The following PTCHD4 variants were observed in gnomAD, a reference collection of about 807,000 sequenced individuals.
The protein encoded by PTCHD4 is patched domain containing 4.
A neutral mutation model predicts 58.1 loss-of-function variants in PTCHD4; 33 were observed. That is an observed-to-expected ratio of 0.57 (90% CI 0.43 to 0.76). PTCHD4 has a LOEUF of 0.76. Among genes scored for constraint, PTCHD4 ranks in the 30% least tolerant of loss-of-function variants. The probability of loss-of-function intolerance (pLI) is 0.00; values close to 1 mark genes in which losing one functional copy is unlikely to be tolerated. For synonymous variants in PTCHD4, 478 were observed against 409.6 expected (o/e 1.17, Z -2.02); for missense variants, 1,058 against 1,027.1 (o/e 1.03, Z -0.41).
intron 4 of PTCHD4, among the ~76,000 whole-genome samples, chr6:47,908,424 A>G (rs1764968950): frequency 6.6e-6 from 1 of 152,106 alleles, no homozygotes; most frequent in South Asian, 2.1e-4. Context: ...CTCAAGCATC[A>G]CATGCATTGA....
chr6:48,027,198 C>G (rs1017958073), intron 3 of PTCHD4, among the ~76,000 whole-genome samples: 1 of 152,026 alleles, frequency 6.6e-6, no homozygotes, highest in Non-Finnish European at 1.5e-5. Flanking sequence ...TTAAAAAGTT[C>G]TATTCAAATT....
rs918910913 is a variant in PTCHD4 at position 47,864,503 on chromosome 6, C to T, written c.*13800G>A. On this transcript the variant is annotated 3_prime_UTR_variant, in exon 5 of 5. Transcript: ENST00000339488. ...GAATAAAGGGGTTAATAGATAATTA[C>T]ATTTTTTTTGAGTAAGCTACCTGGT... 2.0e-5 allele frequency among the ~76,000 whole-genome samples: 3 copies of T among 151,812 alleles called. No homozygotes were observed. Among genetic ancestry groups the T allele is most frequent in the African/African-American group, 7.3e-5 (3 of 41,372 alleles).
chr6:48,080,358 G>A (rs1053448519), intron 1 of PTCHD4, among the ~76,000 whole-genome samples: 1 of 152,142 alleles, frequency 6.6e-6, no homozygotes, highest in Non-Finnish European at 1.5e-5. Flanking sequence ...AGACTGTCTG[G>A]GGATTTAGTT....
At chr6:48,017,415 C>T (rs1357666234) in intron 3 of PTCHD4, among the ~76,000 whole-genome samples, 2 of 151,732 alleles carry the variant, frequency 1.3e-5, no homozygotes, top group Admixed American at 6.6e-5. Context: ...AGAAAAAGGC[C>T]GTGATGTAGT....
rs1001648280 is a variant in PTCHD4 at position 47,862,025 on chromosome 6, C to T, written c.*16278G>A. On this transcript the variant is annotated 3_prime_UTR_variant, in exon 5 of 5. Transcript: ENST00000339488. The stretch of plus-strand genomic sequence containing the variant: ...TTAGCTGTGACTTCCTATTATTGAA[C>T]ATAACCCAGTACTCTAAGTATTCGA... 4.0e-5 allele frequency among the ~76,000 whole-genome samples: 6 copies of T among 151,862 alleles called. No individual in the cohort carries two copies. Among genetic ancestry groups the T allele is most frequent in the African/African-American group, 1.4e-4 (6 of 41,410 alleles).
At chr6:47,907,376 C>A (rs1005018829) in intron 4 of PTCHD4, among the ~76,000 whole-genome samples, 2 of 152,114 alleles carry the variant, frequency 1.3e-5, no homozygotes, top group African/African-American at 4.8e-5. Flanking sequence ...ATTGAAAAGA[C>A]TCATTTCATT....
chr6:47,950,423 A>T (rs1766597888), intron 4 of PTCHD4, among the ~76,000 whole-genome samples: 1 of 152,154 alleles, frequency 6.6e-6, no homozygotes, highest in African/African-American at 2.4e-5. Context: ...AGGAAGAAGT[A>T]GCTGGATTTG....
intron 4 of PTCHD4, among the ~76,000 whole-genome samples, chr6:47,923,287 C>A (rs562008105): frequency 6.6e-6 from 1 of 152,066 alleles, no homozygotes; most frequent in Non-Finnish European, 1.5e-5. Flanking sequence ...TCTTTACAGG[C>A]TTTCTTTTTT....
intron 4 of PTCHD4, among the ~76,000 whole-genome samples, chr6:47,962,827 A>C (rs1407194579): frequency 3.3e-5 from 5 of 151,084 alleles, no homozygotes; most frequent in Non-Finnish European, 7.4e-5. Context: ...CCTACAACTC[A>C]GCAAAAAAAA....
chr6:48,011,502 T>G (rs1226889641), intron 3 of PTCHD4, among the ~76,000 whole-genome samples: 1 of 152,140 alleles, frequency 6.6e-6, no homozygotes, highest in Non-Finnish European at 1.5e-5. Flanking sequence ...ATTGCAAAAA[T>G]TTTCTCCCAT....
At chr6:48,024,100 GA>G (rs1763160255) in intron 3 of PTCHD4, among the ~76,000 whole-genome samples, 1 of 152,080 alleles carries the variant, frequency 6.6e-6, no homozygotes. Context: ...TTTATTATAA[GA>G]ATTATGTTTG....
chr6:48,091,854 T>C (rs1765371947), intron 1 of PTCHD4, among the ~76,000 whole-genome samples: 1 of 152,098 alleles, frequency 6.6e-6, no homozygotes, highest in African/African-American at 2.4e-5. Flanking sequence ...TTTGCCATGT[T>C]GGCTAGGCTG....
At position 47,871,230 on chromosome 6, in the gene PTCHD4, C is replaced by T. The variant is rs1763705353; in HGVS notation, c.*7073G>A. Among the ~76,000 whole-genome samples the T allele has an allele frequency of 6.6e-6, 1 of 151,380 alleles. No homozygotes were observed. Among genetic ancestry groups the T allele is most frequent in the African/African-American group, 2.4e-5 (1 of 41,296 alleles). ...CGTAAGTGACTTGTGTTTTAAAAAC[C>T]CCGATTTAGCAGAAAATAATAGCAA... On this transcript the variant is annotated 3_prime_UTR_variant, in exon 5 of 5. Transcript: ENST00000339488.
Position 47,861,562 on chromosome 6 carries a change from A to G in PTCHD4, c.*16741T>C, listed in dbSNP as rs572266474. 1.2e-4 allele frequency among the ~76,000 whole-genome samples: 18 copies of G among 152,084 alleles called. 1 individual carries two copies. The East Asian group carries it at 3.5e-3, about 30-fold the overall frequency. On this transcript the variant is annotated 3_prime_UTR_variant, in exon 5 of 5. Transcript: ENST00000339488. ...TTTGTCCAAAACACATCTAGTACTC[A>G]TTGACATTTATGTCCAACAAACAAA...
chr6:48,089,526 T>G (rs1582128380), intron 1 of PTCHD4, among the ~76,000 whole-genome samples: 2 of 152,222 alleles, frequency 1.3e-5, no homozygotes, highest in East Asian at 3.9e-4. Context: ...ATATGTACGA[T>G]TAGAGACCAA....
chr6:48,013,043 G>A lies in PTCHD4; in HGVS notation c.418-3929C>T, dbSNP rs1019079144. ...ATTGGCCTGAAATTTCCCTTTTTTG[G>A]CTGGGTCTCTGCCAGGTTTTGGTAT... On this transcript the variant is annotated intron_variant, in intron 3 of 4. Transcript: ENST00000339488. Among the ~76,000 whole-genome samples the A allele has an allele frequency of 2.0e-5, 3 of 152,068 alleles. No homozygotes were observed. In the South Asian group the frequency reaches 6.2e-4, roughly 32 times the overall value.
At chr6:48,104,908 T>C (rs576976829) in intron 1 of PTCHD4, among the ~76,000 whole-genome samples, 3 of 152,314 alleles carry the variant, frequency 2.0e-5, no homozygotes, top group Non-Finnish European at 2.9e-5. Flanking sequence ...CTAACTATCC[T>C]AAATATATAT....
chr6:47,966,018 T>C (rs1297424838), intron 4 of PTCHD4, among the ~76,000 whole-genome samples: 3 of 152,080 alleles, frequency 2.0e-5, no homozygotes, highest in Admixed American at 6.5e-5. Context: ...GAATAAAATA[T>C]GGAGAAAATA....
intron 4 of PTCHD4, among the ~76,000 whole-genome samples, chr6:47,984,903 A>G (rs1768004856): frequency 6.6e-6 from 1 of 152,110 alleles, no homozygotes; most frequent in Non-Finnish European, 1.5e-5. Flanking sequence ...TTTTATGTAA[A>G]TCTTGAAGAC....
Sources: allele counts gnomAD v4.1 joint callset (sites outside exome capture counted in the v4.1 genomes callset), GRCh38; gene constraint gnomAD v4.1.1; transcripts MANE v1.5; gene names NCBI Gene and HGNC (gene_info 2026-07-23, HGNC 2026-07-21).